PABPC1L: variants seen among roughly 807,000 people sequenced by gnomAD.
PABPC1L encodes the protein polyadenylate-binding protein 1-like.
PABPC1L carries 31 observed loss-of-function variants against 66.6 expected under a neutral mutation model. The ratio of observed to expected loss-of-function variants is 0.47; its 90% CI spans 0.35 to 0.63. PABPC1L has a LOEUF of 0.63. PABPC1L is among the 20% of genes least tolerant of loss of function. PABPC1L has a pLI of 0.00. For synonymous variants in PABPC1L, 348 were observed against 335.1 expected, an observed-to-expected ratio of 1.04 and a Z score of -0.42; for missense variants, 722 against 848.8, an observed-to-expected ratio of 0.85 and a Z score of 1.86.
intron 3 of PABPC1L, among the ~76,000 whole-genome samples, chr20:44,917,945 A>G (rs753012267): frequency 1.8e-4 from 27 of 152,222 alleles, no homozygotes; most frequent in Non-Finnish European, 2.9e-4. Context: ...TAAACGTGCT[A>G]TAGATACCAT....
Position 44,924,277 on chromosome 20 carries a change from C to T in PABPC1L, c.972+21C>T, listed in dbSNP as rs200878811. 491 of 1,557,264 alleles carry T rather than the reference C, an allele frequency of 3.2e-4. 1 individual carries two copies. In the South Asian group the frequency reaches 4.6e-3, roughly 15 times the overall value. ...CGAAGGTGAGGACTGGGGGCACCTC[C>T]GGGGGACAGCGTTCCCCTCCATCCT... On this transcript the variant is annotated intron_variant, in intron 7 of 14. Transcript: ENST00000217073.
chr20:44,933,211 A>C, intron 10 of PABPC1L, 26 bp downstream of exon 10: 3 of 1,568,704 alleles, frequency 1.9e-6, no homozygotes, highest in Admixed American at 3.8e-5. Context: ...GCCAAGGGGA[A>C]TGGGGGTGGG....
chr20:44,923,153 G>C (rs754413799), intron 6 of PABPC1L, among the ~76,000 whole-genome samples: 32 of 152,210 alleles, frequency 2.1e-4, no homozygotes, highest in Admixed American at 3.9e-4. Flanking sequence ...GCTAGAGGCA[G>C]CTGTCACTCA....
chr20:44,928,122 G>A lies in PABPC1L; in HGVS notation c.973-2338G>A, dbSNP rs762749195. On this transcript the variant is annotated intron_variant, in intron 7 of 14. Coordinates refer to ENST00000217073, the MANE Select transcript of PABPC1L (RefSeq NM_001372179.1). The stretch of plus-strand genomic sequence containing the variant: ...CCCACTCTGTCGCCCAGACTGGAGC[G>A]CAGTGGCATGATCTTGGCTCACTAC... Among the ~76,000 whole-genome samples, 20 of 152,152 alleles carry A rather than the reference G, an allele frequency of 1.3e-4. No homozygotes were observed. The Middle Eastern group carries it at 0.01, about 78-fold the overall frequency.
intron 9 of PABPC1L, 58 bp from the exon 10 acceptor site, chr20:44,932,999 C>G: frequency 1.6e-6 from 2 of 1,213,252 alleles, no homozygotes; most frequent in Non-Finnish European, 1.2e-6. Context: ...GTGTGCCACC[C>G]TGATTATTCC....
chr20:44,931,019 T>TTCCCTCCCC (rs2066850532), intron 8 of PABPC1L, among the ~76,000 whole-genome samples: 1 of 15,524 alleles, frequency 6.4e-5, no homozygotes. Context: ...CTTCCTTCCC[T>TTCCCTCCCC]TCCCTCCCTT....
intron 8 of PABPC1L, among the ~76,000 whole-genome samples, chr20:44,931,051 T>TTCCCTCCC (rs2066852808): frequency 1.1e-4 from 1 of 9,112 alleles, no homozygotes; most frequent in Admixed American, 1.4e-3. Flanking sequence ...CTCCCTTCCC[T>TTCCCTCCC]TCCCTTCCCT....
Position 44,910,150 on chromosome 20 carries a change from G to C in PABPC1L, c.7G>C (p.Ala3Pro). The C allele has an allele frequency of 6.4e-7, 1 of 1,563,488 alleles. No individual in the cohort carries two copies. Among genetic ancestry groups the C allele is most frequent in the Non-Finnish European group, 8.7e-7 (1 of 1,154,506 alleles). Residue 3 changes from alanine to proline, a missense_variant, in exon 1 of 15, where the codon GCC (alanine) becomes CCC (proline). Transcript: ENST00000217073. ...CCCCGGCCCCCTGCCCACCATGAAC[G>C]CCAGCGGTTCTGGCTACCCGCTTGC... MN[A>P]SGSGYPLASL...
Position 44,938,888 on chromosome 20 carries a change from G to A in PABPC1L, c.*6+140G>A, listed in dbSNP as rs2066922207. On this transcript the variant is annotated intron_variant, in intron 14 of 14. Transcript: ENST00000217073. ...CACCAAAGAGTTTGGAGGAAGTTGT[G>A]AGAATCAGAGGAGATGATTAACTGT... is the stretch of plus-strand genomic sequence containing the variant. 11 of 873,846 alleles carry A rather than the reference G, an allele frequency of 1.3e-5. 1 individual carries two copies. Among genetic ancestry groups the A allele is most frequent in the Middle Eastern group, 2.2e-4 (1 of 4,538 alleles). The allele number at this position is 873,846 out of a possible 1,614,324, so 54.1% of individuals were successfully genotyped here. A position where few individuals can be genotyped will look rare whatever the true frequency, so the allele number is the denominator to read the frequency against.
intron 7 of PABPC1L, among the ~76,000 whole-genome samples, chr20:44,926,758 G>C (rs1284260564): frequency 6.6e-6 from 1 of 152,108 alleles, no homozygotes; most frequent in South Asian, 2.1e-4. Context: ...TGTTAGCCAG[G>C]ATGGTCCTGA....
intron 3 of PABPC1L, 37 bp from the exon 4 acceptor site, chr20:44,918,869 C>T (rs1447105637): frequency 1.3e-6 from 2 of 1,530,810 alleles, no homozygotes; most frequent in South Asian, 2.6e-5. Context: ...TGGCTGGTAG[C>T]TGTCCACAGC....
chr20:44,928,714 C>T (rs1372736709), intron 7 of PABPC1L, among the ~76,000 whole-genome samples: 2 of 151,184 alleles, frequency 1.3e-5, no homozygotes, highest in African/African-American at 4.9e-5. Flanking sequence ...AAAAAATGAA[C>T]AAAATTAGGC....
At chr20:44,913,803 G>T (rs1486908519) in intron 2 of PABPC1L, among the ~76,000 whole-genome samples, 1 of 152,134 alleles carries the variant, frequency 6.6e-6, no homozygotes, top group Non-Finnish European at 1.5e-5. Context: ...GCTACAGGAA[G>T]GCCATTAATT....
intron 7 of PABPC1L, among the ~76,000 whole-genome samples, chr20:44,929,487 G>C (rs750827190): frequency 2.6e-5 from 4 of 151,982 alleles, no homozygotes; most frequent in Admixed American, 6.6e-5. Context: ...TCACATTGGG[G>C]GAAACTGGGT....
At position 44,939,143 on chromosome 20, in the gene PABPC1L, T is replaced by C. The variant is rs2066924222; in HGVS notation, c.*24T>C. 2 of 718,048 alleles carry C rather than the reference T, an allele frequency of 2.8e-6. No individual in the cohort carries two copies. Among genetic ancestry groups the C allele is most frequent in the Non-Finnish European group, 5.2e-6 (2 of 385,208 alleles). The allele number at this position is 718,048 out of a possible 1,614,324, so 44.5% of individuals were successfully genotyped here. On this transcript the variant is annotated 3_prime_UTR_variant, in exon 15 of 15. Transcript: ENST00000217073. ...GTCCTCAGAAAAGGAAATCCTCGCT[T>C]CCATGGCTGCCAAAAGGACAGTGTT...
At chr20:44,930,834 C>T (rs1295866115) in intron 8 of PABPC1L, 108 bp downstream of exon 8, 21 of 1,424,910 alleles carry the variant, frequency 1.5e-5, no homozygotes, top group South Asian at 4.1e-5. Context: ...TTGCTTCTGC[C>T]GAGGACTCAT....
At position 44,924,032 on chromosome 20, in the gene PABPC1L, A is replaced by T. The variant is rs2066791797; in HGVS notation, c.877-129A>T. The T allele has an allele frequency of 1.1e-5, 8 of 727,552 alleles. No individual in the cohort carries two copies. The Admixed American group carries it at 1.7e-4, about 15-fold the overall frequency. 45.1% of individuals were successfully genotyped at this position (727,552 alleles called of 1,614,324 possible). ...TGGGGGTACCTGGGTGCTGAGGGAG[A>T]CGGGGAGCAGGAGGCTGGGCTGGTG... On this transcript the variant is annotated intron_variant, in intron 6 of 14. Transcript: ENST00000217073.
intron 7 of PABPC1L, among the ~76,000 whole-genome samples, chr20:44,927,353 T>A (rs6103925): frequency 0.56 from 83,154 of 147,230 alleles, 23,068 homozygotes; most frequent in Admixed American, 0.63. Context: ...ATATATATAT[T>A]TTTTTTTTTT....
Position 44,910,209 on chromosome 20 carries a change from G to A in PABPC1L, c.66G>A (p.Val22=). 1 of 1,580,232 alleles carries A rather than the reference G, an allele frequency of 6.3e-7. No homozygotes were observed. Among genetic ancestry groups the A allele is most frequent in the Non-Finnish European group, 8.6e-7 (1 of 1,163,376 alleles). ...SLYVGDLHPD[V]TEAMLYEKFS... ...ACGTGGGCGATCTGCACCCCGACGT[G>A]ACCGAGGCCATGCTCTATGAGAAGT... The change falls in exon 1 of 15, where the codon GTG becomes GTA. Residue 22 remains valine (V), a synonymous_variant. Coordinates refer to ENST00000217073, the MANE Select transcript of PABPC1L (RefSeq NM_001372179.1).
Sources: allele counts gnomAD v4.1 joint callset (sites outside exome capture counted in the v4.1 genomes callset), GRCh38; gene constraint gnomAD v4.1.1; transcripts MANE v1.5; gene names NCBI Gene and HGNC (gene_info 2026-07-23, HGNC 2026-07-21).